The following FOXH1 variants were observed in gnomAD, a reference collection of about 807,000 sequenced individuals.
The protein encoded by FOXH1 is forkhead box protein H1.
FOXH1 carries 10 observed loss-of-function variants against 14.2 expected under a neutral mutation model. The ratio of observed to expected loss-of-function variants is 0.70; its 90% CI spans 0.43 to 1.19. The LOEUF is 1.19. Ranked by LOEUF, FOXH1 falls within the 50% of genes most tolerant of loss-of-function variation. The probability of loss-of-function intolerance (pLI) is 0.00; values close to 1 mark genes in which losing one functional copy is unlikely to be tolerated. For missense variants in FOXH1, 643 were observed against 492.1 expected (o/e 1.31, Z -2.90); for synonymous variants, 273 against 209.5 (o/e 1.30, Z -2.62).
At chr8:144,475,400 A>G (rs1274992887) in intron 1 of FOXH1, 139 bp from the exon 2 acceptor site, 9 of 924,378 alleles carry the variant, frequency 9.7e-6, no homozygotes, top group African/African-American at 3.3e-5. Context: ...TCTGCGCGGA[A>G]GCGCGGCAGA....
Position 144,473,661 on chromosome 8 carries a change from A to G in FOXH1, c.*577T>C. The G allele has an allele frequency of 2.0e-6, 1 of 500,186 alleles. No homozygotes were observed. The highest frequency in any genetic ancestry group is 3.4e-5 in the East Asian group (1 of 29,130). The allele number at this position is 500,186 out of a possible 1,614,324, so 31.0% of individuals were successfully genotyped here. On this transcript the variant is annotated 3_prime_UTR_variant, in exon 3 of 3. Coordinates refer to ENST00000377317, the MANE Select transcript of FOXH1 (RefSeq NM_003923.3). ...ATTTGCTGTTATCACGGCACACAGC[A>G]GGGAATCCCAGGCCCCCCCGCCAAG...
Position 144,474,934 on chromosome 8 carries a change from T to C in FOXH1, c.402A>G (p.Gly134=), listed in dbSNP as rs769224783. 2.5e-6 allele frequency: 4 copies of C among 1,608,444 alleles called. No homozygotes were observed. The South Asian group carries it at 3.3e-5, about 13-fold the overall frequency. Reference sequence around the variant, plus strand: ...CCTTGGCGAAGGCTCCACGCGCACCTCCGTTCTGCCAGCGCCGGCACAGGG... The same window carrying C: ...CCTTGGCGAAGGCTCCACGCGCACCCCCGTTCTGCCAGCGCCGGCACAGGG... ...NTALCRRWQN[G]GARGAFAKDL... Residue 134 remains glycine, a synonymous_variant, in exon 3 of 3, where the codon GGA becomes GGG. Coordinates refer to ENST00000377317, the MANE Select transcript of FOXH1 (RefSeq NM_003923.3).
Position 144,473,609 on chromosome 8 carries a change from A to G in FOXH1, c.*629T>C. On this transcript the variant is annotated 3_prime_UTR_variant, in exon 3 of 3. Coordinates refer to ENST00000377317, the MANE Select transcript of FOXH1 (RefSeq NM_003923.3). ...CCCGCCCCCAGCCCTGCATCAGGCC[A>G]CAGGTCTTGGCTTTCTCCTTATCAC... 1.6e-6 allele frequency: 1 copy of G among 609,254 alleles called. No homozygotes were observed. Among genetic ancestry groups the G allele is most frequent in the Non-Finnish European group, 2.6e-6 (1 of 391,286 alleles). 37.7% of individuals were successfully genotyped at this position (609,254 alleles called of 1,614,324 possible).
chr8:144,474,584 G>A lies in FOXH1; in HGVS notation c.752C>T (p.Pro251Leu). The change falls in exon 3 of 3, where the codon CCT becomes CTT. Residue 251 changes from proline (P) to leucine (L), a missense_variant. Transcript: ENST00000377317. Reference sequence around the variant, plus strand: ...TGCGGTGCCCTGCAGTAAGTGGAGAGGCCAGGCCCTAGGCTCTGGGGAGAG... The same window carrying A: ...TGCGGTGCCCTGCAGTAAGTGGAGAAGCCAGGCCCTAGGCTCTGGGGAGAG... ...STLSPEPRAWPLHLLQGTAVP... is the reference protein window; with the variant it reads ...STLSPEPRAWLLHLLQGTAVP... The A allele has an allele frequency of 6.2e-7, 1 of 1,609,662 alleles. No homozygotes were observed. The highest frequency in any genetic ancestry group is 8.5e-7 in the Non-Finnish European group (1 of 1,179,232).
chr8:144,475,730 C>A lies in FOXH1; in HGVS notation c.27G>T (p.Leu9=). ...AGGGCGACTCTGCCTCTGGGGGCCC[C>A]AGGCGGGAGCCGCTGCAGGGCCCCA... MGPCSGSR[L]GPPEAESPSQ... The change falls in exon 1 of 3, where the codon CTG becomes CTT. Residue 9 remains leucine (L), a synonymous_variant. Transcript: ENST00000377317. The A allele has an allele frequency of 7.1e-7, 1 of 1,416,626 alleles. No individual in the cohort carries two copies. The highest frequency in any genetic ancestry group is 1.4e-5 in the African/African-American group (1 of 69,096). 87.8% of individuals were successfully genotyped at this position (1,416,626 alleles called of 1,614,324 possible). A position where few individuals can be genotyped will look rare whatever the true frequency, so the allele number is the denominator to read the frequency against.
Position 144,473,478 on chromosome 8 carries a change from G to T in FOXH1, c.*760C>A, listed in dbSNP as rs777539592. 2.1e-6 allele frequency: 3 copies of T among 1,452,744 alleles called. No homozygotes were observed. The highest frequency in any genetic ancestry group is 1.4e-5 in the South Asian group (1 of 70,382). 90.0% of individuals were successfully genotyped at this position (1,452,744 alleles called of 1,614,324 possible). A position where few individuals can be genotyped will look rare whatever the true frequency, so the allele number is the denominator to read the frequency against. The stretch of plus-strand genomic sequence containing the variant: ...AAGTCCCTGTACCCCGTCTCCCAGG[G>T]CACAAGCTCCCTAGCCTCTTTGGAT... On this transcript the variant is annotated 3_prime_UTR_variant, in exon 3 of 3. Coordinates refer to ENST00000377317, the MANE Select transcript of FOXH1 (RefSeq NM_003923.3).
chr8:144,475,555 G>C (rs562065615), intron 1 of FOXH1, 28 bp downstream of exon 1: 4 of 1,445,832 alleles, frequency 2.8e-6, no homozygotes, highest in Non-Finnish European at 3.7e-6. Context: ...TCTGGGGAAA[G>C]AGAGAGTGGG....
Position 144,475,631 on chromosome 8 carries a change from G to C in FOXH1, c.126C>G (p.Ile42Met). 4 of 1,442,154 alleles carry C rather than the reference G, an allele frequency of 2.8e-6. No homozygotes were observed. Among genetic ancestry groups the C allele is most frequent in the Non-Finnish European group, 2.7e-6 (3 of 1,094,580 alleles). 89.3% of individuals were successfully genotyped at this position (1,442,154 alleles called of 1,614,324 possible). A position where few individuals can be genotyped will look rare whatever the true frequency, so the allele number is the denominator to read the frequency against. ...AGGGAGCGGCCTGAATCACCAAGGC[G>C]ATCATGGCCAAGTAGGTGTAGGGGG... Reference protein sequence around the residue: ...DKPPYTYLAMIALVIQAAPSR... With the variant: ...DKPPYTYLAMMALVIQAAPSR... Residue 42 changes from isoleucine (I) to methionine (M), a missense_variant, in exon 1 of 3, where the codon ATC becomes ATG. Ile to Met is a conservative substitution (Grantham distance 10). Coordinates refer to ENST00000377317, the MANE Select transcript of FOXH1 (RefSeq NM_003923.3).
Position 144,474,640 on chromosome 8 carries a change from A to C in FOXH1, c.696T>G (p.Thr232=). Residue 232 remains threonine (T), a synonymous_variant, in exon 3 of 3, where the codon ACT becomes ACG. Transcript: ENST00000377317. ...AGGGCCCGATGGCTCCCCCCTGCAC[A>C]GTCTCCCCCTCCACTCTCGTGGGGC... is the stretch of plus-strand genomic sequence containing the variant. ...LPGPTRVEGE[T]VQGGAIGPST... 6.4e-7 allele frequency: 1 copy of C among 1,571,162 alleles called. No individual in the cohort carries two copies. The highest frequency in any genetic ancestry group is 1.8e-5 in the Admixed American group (1 of 54,986).
In FOXH1 at chr8:144,474,287, T is replaced by A; in HGVS notation, c.1049A>T (p.Asp350Val). 1.2e-6 allele frequency: 2 copies of A among 1,604,792 alleles called. No homozygotes were observed. The highest frequency in any genetic ancestry group is 1.7e-6 in the Non-Finnish European group (2 of 1,174,806). Residue 350 changes from aspartate to valine, a missense_variant, in exon 3 of 3, where the codon GAC (aspartate) becomes GTC (valine). Physicochemically the swap from Asp to Val is radical, Grantham distance 152 (BLOSUM62 -3). Transcript: ENST00000377317. ...CCAGCCTGGGCCAGGGGCCGCCAGG[T>A]CCCGAGGGTGGCTGACCCAAACGTC... ...IYDVWVSHPR[D>V]LAAPGPGWLL... is the part of the protein sequence containing the mutation.
At position 144,474,963 on chromosome 8, in the gene FOXH1, T is replaced by A. The variant is rs112028242; in HGVS notation, c.373A>T (p.Thr125Ser). 6,852 of 1,607,644 alleles carry A rather than the reference T, an allele frequency of 4.3e-3. 278 individuals are homozygous for A. The African/African-American group carries it at 0.081, about 19-fold the overall frequency. The change falls in exon 3 of 3, where the codon ACC (threonine) becomes TCC (serine). Residue 125 changes from threonine to serine, a missense_variant. Thr to Ser is a moderately conservative substitution (Grantham distance 58, BLOSUM62 1). Transcript: ENST00000377317. ...IPAEALRLQNTALCRRWQNGG... is the reference protein window; with the variant it reads ...IPAEALRLQNSALCRRWQNGG... ...TTCTGCCAGCGCCGGCACAGGGCGG[T>A]GTTCTGCAGCCGGAGCGCCTCAGCT...
Position 144,474,025 on chromosome 8 carries a change from G to C in FOXH1, c.*213C>G, listed in dbSNP as rs1489569244. 5 of 579,720 alleles carry C rather than the reference G, an allele frequency of 8.6e-6. No individual in the cohort carries two copies. Among genetic ancestry groups the C allele is most frequent in the Non-Finnish European group, 1.5e-5 (5 of 327,776 alleles). The allele number at this position is 579,720 out of a possible 1,614,324, so 35.9% of individuals were successfully genotyped here. On this transcript the variant is annotated 3_prime_UTR_variant, in exon 3 of 3. Transcript: ENST00000377317. The stretch of plus-strand genomic sequence containing the variant: ...TCCTGCAGCTTTGCCGCTGAGTGTA[G>C]GAAAAACAGGCATGACAGACCAGGG...
Position 144,474,714 on chromosome 8 carries a change from G to A in FOXH1, c.622C>T (p.Pro208Ser), listed in dbSNP as rs1586727679. 6.5e-7 allele frequency: 1 copy of A among 1,540,818 alleles called. No individual in the cohort carries two copies. The highest frequency in any genetic ancestry group is 2.3e-5 in the East Asian group (1 of 42,978). Residue 208 changes from proline to serine, a missense_variant, in exon 3 of 3, where the codon CCC becomes TCC. By Grantham distance (74) the Pro-to-Ser change is moderately conservative. Coordinates refer to ENST00000377317, the MANE Select transcript of FOXH1 (RefSeq NM_003923.3). ...NSGEEAVPTP[P>S]LPSSERPLWP... Reference sequence around the variant, plus strand: ...AGAGGCCTCTCAGAAGAGGGAAGGGGTGGGGTGGGCACCGCCTCCTCCCCA... The same window carrying A: ...AGAGGCCTCTCAGAAGAGGGAAGGGATGGGGTGGGCACCGCCTCCTCCCCA...
rs758819755 is a variant in FOXH1 at position 144,474,631 on chromosome 8, C to A, written c.705G>T (p.Gly235=). 1.3e-6 allele frequency: 2 copies of A among 1,581,170 alleles called. No homozygotes were observed. The highest frequency in any genetic ancestry group is 1.8e-5 in the Admixed American group (1 of 56,176). Residue 235 remains glycine, a synonymous_variant, in exon 3 of 3, where the codon GGG becomes GGT. Coordinates refer to ENST00000377317, the MANE Select transcript of FOXH1 (RefSeq NM_003923.3). ...AGAGGGTTGAGGGCCCGATGGCTCC[C>A]CCCTGCACAGTCTCCCCCTCCACTC... ...PTRVEGETVQ[G]GAIGPSTLSP...
Position 144,473,912 on chromosome 8 carries a change from G to C in FOXH1, c.*326C>G, listed in dbSNP as rs1218941113. 3 of 428,504 alleles carry C rather than the reference G, an allele frequency of 7.0e-6. No individual in the cohort carries two copies. Among genetic ancestry groups the C allele is most frequent in the African/African-American group, 4.0e-5 (2 of 50,108 alleles). 26.5% of individuals were successfully genotyped at this position (428,504 alleles called of 1,614,324 possible). A position where few individuals can be genotyped will look rare whatever the true frequency, so the allele number is the denominator to read the frequency against. On this transcript the variant is annotated 3_prime_UTR_variant, in exon 3 of 3. Transcript: ENST00000377317. Reference sequence around the variant, plus strand: ...CTCTCCCTCCCCCAGCCTGGAGCACGGGAGGGGAGGTGACGGCTGGTGACT... The same window carrying C: ...CTCTCCCTCCCCCAGCCTGGAGCACCGGAGGGGAGGTGACGGCTGGTGACT...
rs1825031067 is a variant in FOXH1 at position 144,473,530 on chromosome 8, C to T, written c.*708G>A. 6.2e-6 allele frequency: 8 copies of T among 1,282,592 alleles called. 1 individual carries two copies. The East Asian group carries it at 1.1e-4, about 17-fold the overall frequency. The allele number at this position is 1,282,592 out of a possible 1,614,324, so 79.5% of individuals were successfully genotyped here. A position where few individuals can be genotyped will look rare whatever the true frequency, so the allele number is the denominator to read the frequency against. On this transcript the variant is annotated 3_prime_UTR_variant, in exon 3 of 3. Transcript: ENST00000377317. Reference sequence around the variant, plus strand: ...CATTGCCCCTGAGCTCCCAGAGTCACCCCTCCACCTCCGCAGCCAGTGAAG... The same window carrying T: ...CATTGCCCCTGAGCTCCCAGAGTCATCCCTCCACCTCCGCAGCCAGTGAAG...
rs767426434 is a variant in FOXH1, at chr8:144,474,550, C to G, written c.786G>C (p.Gly262=). ...CCCTGTGTCCCCCGCTGGACCGTCC[C>G]CCAGGAACTGCGGTGCCCTGCAGTA... The part of the protein sequence containing the change: ...LHLLQGTAVP[G]GRSSGGHRAS... Residue 262 remains glycine (G), a synonymous_variant, in exon 3 of 3, where the codon GGG becomes GGC. Transcript: ENST00000377317. The G allele has an allele frequency of 7.4e-6, 12 of 1,610,952 alleles. No homozygotes were observed. The African/African-American group carries it at 1.1e-4, about 14-fold the overall frequency.
At position 144,474,889 on chromosome 8, in the gene FOXH1, C is replaced by T; in HGVS notation, c.447G>A (p.Leu149=). 1.2e-6 allele frequency: 2 copies of T among 1,610,496 alleles called. No individual in the cohort carries two copies. Among genetic ancestry groups the T allele is most frequent in the South Asian group, 1.1e-5 (1 of 90,994 alleles). ...AFAKDLGPYV[L]HGRPYRPPSP... is the part of the protein sequence containing the mutation. ...TGGGCGGCCGGTATGGCCGGCCGTG[C>T]AGCACGTAGGGGCCCAGGTCCTTGG... The change falls in exon 3 of 3, where the codon CTG becomes CTA. Residue 149 remains leucine (L), a synonymous_variant. Transcript: ENST00000377317.
Position 144,475,647 on chromosome 8 carries a change from G to A in FOXH1, c.110C>T (p.Thr37Ile). ...CACCAAGGCGATCATGGCCAAGTAG[G>A]TGTAGGGGGGCTTGTCATGTCGCAG... ...RYLRHDKPPY[T>I]YLAMIALVIQ... Residue 37 changes from threonine (T) to isoleucine (I), a missense_variant, in exon 1 of 3, where the codon ACC becomes ATC. Transcript: ENST00000377317. The A allele has an allele frequency of 1.4e-6, 2 of 1,430,926 alleles. No individual in the cohort carries two copies. The highest frequency in any genetic ancestry group is 1.8e-6 in the Non-Finnish European group (2 of 1,089,886). 88.6% of individuals were successfully genotyped at this position (1,430,926 alleles called of 1,614,324 possible).
Sources: allele counts gnomAD v4.1 joint callset, GRCh38; gene constraint gnomAD v4.1.1; transcripts MANE v1.5; gene names NCBI Gene and HGNC (gene_info 2026-07-23, HGNC 2026-07-21).